The following LRMDA variants were observed in gnomAD, a reference collection of about 807,000 sequenced individuals.
LRMDA encodes leucine rich melanocyte differentiation associated.
Under a neutral mutation model 29.8 loss-of-function variants are expected in LRMDA, and 18 were observed. The observed-to-expected ratio is 0.60, with a 90% CI of 0.42 to 0.90. The LOEUF is 0.90. Among genes scored for constraint, LRMDA ranks in the 40% least tolerant of loss-of-function variants. LRMDA has a pLI of 0.00. For synonymous variants in LRMDA, 125 were observed against 109.4 expected (o/e 1.14, Z -0.89); for missense variants, 273 against 273.9 (o/e 1.00, Z 0.02).
chr10:76,243,422 G>T (rs890432146), intron 5 of LRMDA, among the ~76,000 whole-genome samples: 1 of 152,054 alleles, frequency 6.6e-6, no homozygotes, highest in Admixed American at 6.6e-5. Flanking sequence ...CTTATTAGTG[G>T]GTGGCTGTAG....
intron 5 of LRMDA, among the ~76,000 whole-genome samples, chr10:76,234,177 C>G (rs1353510348): frequency 6.6e-6 from 1 of 152,224 alleles, no homozygotes; most frequent in Non-Finnish European, 1.5e-5. Flanking sequence ...GGCATTAAAA[C>G]AGCATTGATC....
intron 6 of LRMDA, among the ~76,000 whole-genome samples, chr10:76,390,287 T>A (rs1841707157): frequency 6.6e-6 from 1 of 152,180 alleles, no homozygotes; most frequent in African/African-American, 2.4e-5. Context: ...TATACTTTCT[T>A]TGGGGCAATG....
chr10:76,096,242 A>T (rs1249524486), intron 5 of LRMDA, among the ~76,000 whole-genome samples: 2 of 152,178 alleles, frequency 1.3e-5, no homozygotes, highest in African/African-American at 4.8e-5. Flanking sequence ...AAAATTTTAT[A>T]GCTCTAGTTT....
chr10:75,569,514 G>T (rs4746308), intron 2 of LRMDA, among the ~76,000 whole-genome samples: 13,953 of 152,226 alleles, frequency 0.092, 869 homozygotes, highest in East Asian at 0.32. Context: ...TCCCCTGTCA[G>T]TTTAGCAATC....
intron 2 of LRMDA, among the ~76,000 whole-genome samples, chr10:75,628,598 A>T (rs946328466): frequency 6.6e-6 from 1 of 152,226 alleles, no homozygotes; most frequent in Non-Finnish European, 1.5e-5. Context: ...AAACTATCGA[A>T]ACAATTCAGT....
intron 2 of LRMDA, among the ~76,000 whole-genome samples, chr10:75,772,854 T>C (rs1397251431): frequency 1.7e-4 from 2 of 11,836 alleles, no homozygotes; most frequent in Non-Finnish European, 3.7e-4. Context: ...TTCTTATTTT[T>C]TGGGGGGGGT....
intron 5 of LRMDA, among the ~76,000 whole-genome samples, chr10:76,084,712 G>A (rs1045707142): frequency 6.6e-6 from 1 of 152,098 alleles, no homozygotes; most frequent in Non-Finnish European, 1.5e-5. Context: ...TAGTAGGTTA[G>A]TAAAAATTAG....
At chr10:76,060,668 A>G (rs1848689570) in intron 5 of LRMDA, among the ~76,000 whole-genome samples, 1 of 152,216 alleles carries the variant, frequency 6.6e-6, no homozygotes, top group African/African-American at 2.4e-5. Context: ...TAAGGTCTAA[A>G]TGAGGAAAAC....
chr10:76,316,110 G>A (rs1840694470), intron 5 of LRMDA, among the ~76,000 whole-genome samples: 1 of 152,158 alleles, frequency 6.6e-6, no homozygotes, highest in South Asian at 2.1e-4. Context: ...GCTGAAACAC[G>A]CCTCTCCGCC....
intron 5 of LRMDA, among the ~76,000 whole-genome samples, chr10:76,232,735 G>A (rs570636903): frequency 6.6e-6 from 1 of 152,294 alleles, no homozygotes; most frequent in East Asian, 1.9e-4. Flanking sequence ...ACTGACAATG[G>A]AAGAGTGAGC....
At chr10:75,619,797 G>T (rs1275022442) in intron 2 of LRMDA, among the ~76,000 whole-genome samples, 2 of 152,074 alleles carry the variant, frequency 1.3e-5, no homozygotes, top group Non-Finnish European at 2.9e-5. Flanking sequence ...CTGTACTCTG[G>T]TCATAGCCAG....
intron 2 of LRMDA, among the ~76,000 whole-genome samples, chr10:75,708,879 A>G (rs1842402699): frequency 6.6e-6 from 1 of 152,176 alleles, no homozygotes. Flanking sequence ...AGGCTTGACC[A>G]TATGGCCTCA....
intron 2 of LRMDA, among the ~76,000 whole-genome samples, chr10:76,032,013 CA>C (rs1848157948): frequency 6.6e-6 from 1 of 152,178 alleles, no homozygotes; most frequent in Non-Finnish European, 1.5e-5. Flanking sequence ...AGGATTGATC[CA>C]GGGGTTCTGG....
At chr10:75,654,048 C>G (rs941355647) in intron 2 of LRMDA, among the ~76,000 whole-genome samples, 3 of 151,696 alleles carry the variant, frequency 2.0e-5, no homozygotes. Context: ...GCGCACTGCC[C>G]CTCGTGATCA....
intron 5 of LRMDA, among the ~76,000 whole-genome samples, chr10:76,095,392 T>G (rs1185178103): frequency 6.6e-6 from 1 of 152,234 alleles, no homozygotes; most frequent in African/African-American, 2.4e-5. Context: ...TGAGGGGCAG[T>G]TAGTCCAGAT....
chr10:76,534,191 G>A (rs985972013), intron 6 of LRMDA, among the ~76,000 whole-genome samples: 3 of 152,132 alleles, frequency 2.0e-5, no homozygotes, highest in African/African-American at 7.2e-5. Context: ...GTGAAAAAAT[G>A]TAATCATAAT....
chr10:76,266,638 CT>C, intron 5 of LRMDA, among the ~76,000 whole-genome samples: 1 of 152,170 alleles, frequency 6.6e-6, no homozygotes, highest in East Asian at 1.9e-4. Flanking sequence ...CAGCTTAGGT[CT>C]GTCTACTAAA....
chr10:75,794,841 T>A (rs2132255529), intron 2 of LRMDA, among the ~76,000 whole-genome samples: 1 of 152,324 alleles, frequency 6.6e-6, no homozygotes, highest in East Asian at 1.9e-4. Context: ...TGTCTATATT[T>A]ATTTATTTCA....
In LRMDA at chr10:76,159,948, G is replaced by A. The variant is rs954997332; in HGVS notation, c.516+101165G>A. Among the ~76,000 whole-genome samples the A allele has an allele frequency of 7.2e-5, 11 of 152,082 alleles. 1 individual carries two copies. The highest frequency in any genetic ancestry group is 6.6e-4 in the Admixed American group (10 of 15,260). The stretch of plus-strand genomic sequence containing the variant: ...AAAATACTCTGTATGATAGTGTGAT[G>A]ACTGATACATGTCATGTATCTGTCT... On this transcript the variant is annotated intron_variant, in intron 5 of 6. Coordinates refer to ENST00000611255, the MANE Select transcript of LRMDA (RefSeq NM_001305581.2).
Sources: allele counts gnomAD v4.1 joint callset (sites outside exome capture counted in the v4.1 genomes callset), GRCh38; gene constraint gnomAD v4.1.1; transcripts MANE v1.5; gene names NCBI Gene and HGNC (gene_info 2026-07-23, HGNC 2026-07-21).